EFCAB6: variants seen among roughly 807,000 people sequenced by gnomAD.
The protein encoded by EFCAB6 is EF-hand calcium binding domain 6.
In EFCAB6, 156 loss-of-function variants were observed where a neutral mutation model predicts 169.8. The ratio of observed to expected loss-of-function variants is 0.92; its 90% CI spans 0.81 to 1.05. EFCAB6 has a LOEUF of 1.05. Ranked by LOEUF, EFCAB6 falls within the 50% of genes least tolerant of loss-of-function variation. The pLI is 0.00. For missense variants in EFCAB6, 1,800 were observed against 1,829.1 expected, an observed-to-expected ratio of 0.98 and a Z score of 0.29; for synonymous variants, 698 against 676.4, an observed-to-expected ratio of 1.03 and a Z score of -0.50.
intron 13 of EFCAB6, among the ~76,000 whole-genome samples, chr22:43,677,205 T>C (rs79119828): frequency 0.01 from 1,593 of 152,276 alleles, 37 homozygotes; most frequent in African/African-American, 0.037. Flanking sequence ...AGTGTCAACT[T>C]TTCAGTCAAA....
At chr22:43,562,489 C>T (rs535024530) in intron 26 of EFCAB6, among the ~76,000 whole-genome samples, 11 of 151,578 alleles carry the variant, frequency 7.3e-5, no homozygotes, top group Admixed American at 6.6e-5. Flanking sequence ...GCTGCCCCAA[C>T]GCCACAAGTT....
chr22:43,764,690 A>AT (rs1449642378), intron 5 of EFCAB6, among the ~76,000 whole-genome samples: 1 of 152,212 alleles, frequency 6.6e-6, no homozygotes, highest in African/African-American at 2.4e-5. Context: ...AATGAAGCTT[A>AT]TTCATTTAGA....
intron 11 of EFCAB6, among the ~76,000 whole-genome samples, chr22:43,687,225 G>T: frequency 6.6e-6 from 1 of 152,188 alleles, no homozygotes; most frequent in East Asian, 1.9e-4. Flanking sequence ...ATGGAGTTCA[G>T]ATTGTATCAT....
intron 26 of EFCAB6, among the ~76,000 whole-genome samples, chr22:43,569,653 C>T (rs544192814): frequency 6.6e-6 from 1 of 152,232 alleles, no homozygotes. Context: ...GCAGCCCCTG[C>T]ACCCTGGCCT....
At chr22:43,561,543 C>A (rs183624125) in intron 26 of EFCAB6, among the ~76,000 whole-genome samples, 58 of 152,276 alleles carry the variant, frequency 3.8e-4, no homozygotes, top group Non-Finnish European at 8.4e-4. Context: ...AACCACACCG[C>A]CCCGCCCCCA....
intron 8 of EFCAB6, 22 bp from the exon 9 acceptor site, chr22:43,716,994 G>A (rs757814595): frequency 2.4e-5 from 35 of 1,465,214 alleles, no homozygotes; most frequent in East Asian, 1.8e-4. Flanking sequence ...AAATAGCTTC[G>A]GCTTATCAAC....
intron 22 of EFCAB6, among the ~76,000 whole-genome samples, chr22:43,600,670 T>C (rs1256238590): frequency 1.3e-5 from 2 of 152,092 alleles, no homozygotes; most frequent in African/African-American, 2.4e-5. Flanking sequence ...TTTTTTGTTT[T>C]GTTTTGTTTT....
chr22:43,536,418 T>C (rs1467012501), intron 29 of EFCAB6: 1 of 152,204 alleles, frequency 6.6e-6, no homozygotes, highest in East Asian at 1.9e-4. Flanking sequence ...TATATTAATA[T>C]TGGAGGCTCT....
At chr22:43,651,314 T>C (rs2056456018) in intron 17 of EFCAB6, among the ~76,000 whole-genome samples, 1 of 152,210 alleles carries the variant, frequency 6.6e-6, no homozygotes, top group South Asian at 2.1e-4. Flanking sequence ...GCTTGGGCCA[T>C]AGCTTCAGAG....
intron 19 of EFCAB6, among the ~76,000 whole-genome samples, chr22:43,626,924 C>G (rs1201670332): frequency 6.6e-6 from 1 of 152,130 alleles, no homozygotes; most frequent in African/African-American, 2.4e-5. Flanking sequence ...GCAAAGAGTT[C>G]AGGGAAAGGA....
intron 20 of EFCAB6, among the ~76,000 whole-genome samples, chr22:43,622,948 G>A (rs1207293258): frequency 6.6e-6 from 1 of 152,220 alleles, no homozygotes; most frequent in Non-Finnish European, 1.5e-5. Context: ...TTCACTGAAT[G>A]CAGCTGGAAA....
intron 2 of EFCAB6, among the ~76,000 whole-genome samples, chr22:43,794,031 G>A (rs373650040): frequency 6.6e-6 from 1 of 152,086 alleles, no homozygotes; most frequent in African/African-American, 2.4e-5. Flanking sequence ...TTTCAGAAAT[G>A]TACATTTCCA....
intron 12 of EFCAB6, among the ~76,000 whole-genome samples, chr22:43,678,913 G>T (rs2057890015): frequency 6.6e-6 from 1 of 152,134 alleles, no homozygotes; most frequent in Admixed American, 6.5e-5. Context: ...TTATTTGGGG[G>T]TCCAAAATCT....
Position 43,632,202 on chromosome 22 carries a change from T to C in EFCAB6, c.2135A>G (p.Gln712Arg), listed in dbSNP as rs770678886. The C allele has an allele frequency of 1.2e-5, 19 of 1,613,632 alleles. No individual in the cohort carries two copies. Among genetic ancestry groups the C allele is most frequent in the South Asian group, 3.3e-5 (3 of 91,068 alleles). ...PMRGPETTPP[Q>R]PPTPSKSYVN... ...GTAACTTTTTGAAGGAGTTGGAGGC[T>C]GCGGCGGAGTGGTTTCCGGCCCTCT... is the stretch of plus-strand genomic sequence containing the variant. Residue 712 changes from glutamine to arginine, a missense_variant, in exon 19 of 32, where the codon CAG (glutamine) becomes CGG (arginine). Coordinates refer to ENST00000262726, the MANE Select transcript of EFCAB6 (RefSeq NM_022785.4).
chr22:43,531,658 G>T (rs1299236220), intron 30 of EFCAB6, among the ~76,000 whole-genome samples: 1 of 152,198 alleles, frequency 6.6e-6, no homozygotes, highest in Non-Finnish European at 1.5e-5. Flanking sequence ...GATGAGCACA[G>T]GGTTAAGCTG....
intron 17 of EFCAB6, among the ~76,000 whole-genome samples, chr22:43,651,754 A>C (rs1190766557): frequency 6.6e-6 from 1 of 152,230 alleles, no homozygotes; most frequent in African/African-American, 2.4e-5. Context: ...CCCACCTCTT[A>C]CATCAGTGTG....
chr22:43,550,519 A>G (rs972109816), intron 27 of EFCAB6, among the ~76,000 whole-genome samples: 2 of 151,948 alleles, frequency 1.3e-5, no homozygotes, highest in Admixed American at 1.3e-4. Context: ...TAAAAATACA[A>G]ACATTAGTTG....
At chr22:43,680,679 A>G (rs1213764973) in intron 12 of EFCAB6, among the ~76,000 whole-genome samples, 1 of 152,176 alleles carries the variant, frequency 6.6e-6, no homozygotes, top group Non-Finnish European at 1.5e-5. Context: ...TGATAAATTT[A>G]TTCCTAGGTA....
chr22:43,627,028 C>T (rs5764170), intron 19 of EFCAB6, among the ~76,000 whole-genome samples: 21 of 152,280 alleles, frequency 1.4e-4, no homozygotes, highest in African/African-American at 4.8e-4. Flanking sequence ...CTGGAGGTTT[C>T]TGCTCGCAAT....
Sources: allele counts gnomAD v4.1 joint callset (sites outside exome capture counted in the v4.1 genomes callset), GRCh38; gene constraint gnomAD v4.1.1; transcripts MANE v1.5; gene names NCBI Gene and HGNC (gene_info 2026-07-23, HGNC 2026-07-21).